UBE2E2: variants seen among roughly 807,000 people sequenced by gnomAD.
The protein encoded by UBE2E2 is ubiquitin conjugating enzyme E2 E2.
In UBE2E2, 6 loss-of-function variants were observed where a neutral mutation model predicts 24.7. That is an observed-to-expected ratio of 0.24 (90% CI 0.13 to 0.48). UBE2E2 has a LOEUF of 0.48. UBE2E2 is among the 20% of genes least tolerant of loss of function. The pLI is 0.99. For missense variants in UBE2E2, 169 were observed against 245.0 expected (o/e 0.69, Z 2.07); for synonymous variants, 104 against 83.6 (o/e 1.24, Z -1.33).
chr3:23,501,006 C>T, intron 4 of UBE2E2, among the ~76,000 whole-genome samples: 1 of 152,076 alleles, frequency 6.6e-6, no homozygotes, highest in East Asian at 1.9e-4. Flanking sequence ...ATGACAAAGC[C>T]ATGGTAAATC....
At chr3:23,517,306 G>A (rs556872081) in intron 4 of UBE2E2, among the ~76,000 whole-genome samples, 1 of 152,066 alleles carries the variant, frequency 6.6e-6, no homozygotes, top group African/African-American at 2.4e-5. Context: ...AATCTCTGTC[G>A]ACTAAAATAC....
chr3:23,348,835 G>T (rs1695639183), intron 3 of UBE2E2, among the ~76,000 whole-genome samples: 1 of 152,256 alleles, frequency 6.6e-6, no homozygotes, highest in South Asian at 2.1e-4. Flanking sequence ...CAGACTTTTG[G>T]AAAGTCTTGT....
At chr3:23,218,462 A>G (rs565615135) in intron 3 of UBE2E2, among the ~76,000 whole-genome samples, 1 of 152,122 alleles carries the variant, frequency 6.6e-6, no homozygotes, top group Non-Finnish European at 1.5e-5. Context: ...GTCAATGATT[A>G]TAAGTGGATG....
At chr3:23,306,647 T>G (rs1402517327) in intron 3 of UBE2E2, among the ~76,000 whole-genome samples, 1 of 152,196 alleles carries the variant, frequency 6.6e-6, no homozygotes, top group Non-Finnish European at 1.5e-5. Context: ...TGGCCACACA[T>G]GTACCCATTG....
intron 3 of UBE2E2, among the ~76,000 whole-genome samples, chr3:23,319,461 T>C (rs1397260170): frequency 1.3e-5 from 2 of 152,168 alleles, no homozygotes; most frequent in East Asian, 1.9e-4. Flanking sequence ...TAGTGTTGAT[T>C]GTGTGCCAGA....
At chr3:23,560,357 G>T (rs1026170629) in intron 5 of UBE2E2, among the ~76,000 whole-genome samples, 3 of 151,876 alleles carry the variant, frequency 2.0e-5, no homozygotes, top group African/African-American at 7.3e-5. Flanking sequence ...CAGAATGATG[G>T]TTTCCAGCTT....
intron 5 of UBE2E2, among the ~76,000 whole-genome samples, chr3:23,534,978 T>C (rs1695216905): frequency 6.6e-6 from 1 of 152,252 alleles, no homozygotes; most frequent in Admixed American, 6.5e-5. Context: ...ATCTTTTTCA[T>C]ACTCTTTTTG....
At chr3:23,365,466 A>G (rs1179075715) in intron 3 of UBE2E2, among the ~76,000 whole-genome samples, 2 of 152,194 alleles carry the variant, frequency 1.3e-5, no homozygotes, top group Non-Finnish European at 2.9e-5. Context: ...ATTTCTATAC[A>G]CCAACATCAT....
At chr3:23,467,816 G>A (rs1698954299) in intron 3 of UBE2E2, among the ~76,000 whole-genome samples, 1 of 152,150 alleles carries the variant, frequency 6.6e-6, no homozygotes, top group Non-Finnish European at 1.5e-5. Flanking sequence ...TTCTGCTTCT[G>A]GGGAGGCCTC....
At chr3:23,417,074 G>A (rs1441015727) in intron 3 of UBE2E2, among the ~76,000 whole-genome samples, 5 of 152,044 alleles carry the variant, frequency 3.3e-5, no homozygotes, top group Admixed American at 6.6e-5. Context: ...CTCATTCTCC[G>A]TCCAGTTTTG....
At chr3:23,323,078 A>T (rs925077770) in intron 3 of UBE2E2, among the ~76,000 whole-genome samples, 2 of 152,084 alleles carry the variant, frequency 1.3e-5, no homozygotes, top group Admixed American at 6.6e-5. Flanking sequence ...ATTAGGAATT[A>T]TCTAGATTTA....
intron 3 of UBE2E2, among the ~76,000 whole-genome samples, chr3:23,462,912 A>C (rs1231014701): frequency 2.0e-5 from 3 of 152,078 alleles, no homozygotes; most frequent in African/African-American, 4.8e-5. Flanking sequence ...TAAAATTCGA[A>C]TGGTTTGTAA....
chr3:23,500,870 A>T (rs760941307), intron 4 of UBE2E2, among the ~76,000 whole-genome samples: 2 of 152,206 alleles, frequency 1.3e-5, no homozygotes, highest in African/African-American at 4.8e-5. Flanking sequence ...TGGTGTAAGG[A>T]TTTGAATCTG....
chr3:23,325,015 C>G (rs1047855373), intron 3 of UBE2E2, among the ~76,000 whole-genome samples: 1 of 152,078 alleles, frequency 6.6e-6, no homozygotes, highest in African/African-American at 2.4e-5. Flanking sequence ...TTTCTGCCGC[C>G]AAGCAGGACT....
intron 3 of UBE2E2, among the ~76,000 whole-genome samples, chr3:23,390,292 A>G (rs1320600898): frequency 6.6e-6 from 1 of 152,084 alleles, no homozygotes; most frequent in East Asian, 1.9e-4. Context: ...CTGTACCCAT[A>G]TTAACCCCAA....
intron 5 of UBE2E2, among the ~76,000 whole-genome samples, chr3:23,586,850 G>A (rs1406544417): frequency 1.8e-4 from 28 of 151,454 alleles, no homozygotes; most frequent in Admixed American, 1.7e-3. Flanking sequence ...TACCATATCG[G>A]TATAAAAATC....
intron 3 of UBE2E2, among the ~76,000 whole-genome samples, chr3:23,314,772 C>G (rs1223891951): frequency 6.6e-6 from 1 of 152,122 alleles, no homozygotes; most frequent in Non-Finnish European, 1.5e-5. Flanking sequence ...TATGTCATGC[C>G]ACTCTATGCT....
chr3:23,523,811 A>G (rs1359421829), intron 4 of UBE2E2, among the ~76,000 whole-genome samples: 1 of 133,072 alleles, frequency 7.5e-6, no homozygotes, highest in Admixed American at 7.1e-5. Flanking sequence ...AGCACTTGAA[A>G]TCTCAAAGAG....
intron 3 of UBE2E2, among the ~76,000 whole-genome samples, chr3:23,394,057 GT>G (rs770872737): frequency 1.3e-5 from 2 of 152,208 alleles, no homozygotes; most frequent in Non-Finnish European, 2.9e-5. Flanking sequence ...AGCATGGGGA[GT>G]TTAATACTCT....
Sources: allele counts gnomAD v4.1 joint callset (sites outside exome capture counted in the v4.1 genomes callset), GRCh38; gene constraint gnomAD v4.1.1; transcripts MANE v1.5; gene names NCBI Gene and HGNC (gene_info 2026-07-23, HGNC 2026-07-21).